TARS3: variants seen among roughly 807,000 people sequenced by gnomAD.
TARS3 encodes the protein threonine--tRNA ligase 2, cytoplasmic.
Under a neutral mutation model 103.5 loss-of-function variants are expected in TARS3, and 94 were observed. The ratio of observed to expected loss-of-function variants is 0.91; its 90% CI spans 0.77 to 1.08. TARS3 has a LOEUF of 1.08. TARS3 is among the 50% of genes least tolerant of loss of function. The pLI is 0.00. For synonymous variants in TARS3, 416 were observed against 355.4 expected (o/e 1.17, Z -1.92); for missense variants, 952 against 995.2 (o/e 0.96, Z 0.58).
At chr15:101,661,619 G>T in intron 16 of TARS3, 93 bp downstream of exon 16, 1 of 801,452 alleles carries the variant, frequency 1.2e-6, no homozygotes, top group Non-Finnish European at 1.9e-6. Context: ...GATTTTTTAA[G>T]AATAGAAATA....
At chr15:101,718,665 A>C (rs908145712) in intron 3 of TARS3, among the ~76,000 whole-genome samples, 1 of 152,170 alleles carries the variant, frequency 6.6e-6, no homozygotes, top group Non-Finnish European at 1.5e-5. Context: ...CCTCCCTCCC[A>C]CAAGCCTCTG....
intron 7 of TARS3, 112 bp downstream of exon 7, chr15:101,705,571 A>T: frequency 1.2e-6 from 1 of 800,866 alleles, no homozygotes; most frequent in South Asian, 1.6e-5. Context: ...ACGGTAGATT[A>T]TCAACTACAC....
At position 101,721,242 on chromosome 15, in the gene TARS3, G is replaced by A; in HGVS notation, c.450C>T (p.Ala150=). The A allele has an allele frequency of 6.2e-7, 1 of 1,613,854 alleles. No individual in the cohort carries two copies. Among genetic ancestry groups the A allele is most frequent in the Non-Finnish European group, 8.5e-7 (1 of 1,179,856 alleles). The part of the protein sequence containing the change: ...ILKKDHQLLL[A]IYGKKGDTSN... ...TTGTATCCCCCTTTTTTCCATAAAT[G>A]GCAAGTAAGAGCTGATGGTCTTTCT... The change falls in exon 3 of 19, where the codon GCC becomes GCT. Residue 150 remains alanine, a synonymous_variant. Coordinates refer to ENST00000335968, the MANE Select transcript of TARS3 (RefSeq NM_152334.3).
At chr15:101,670,550 AACT>A (rs1279168260) in intron 15 of TARS3, among the ~76,000 whole-genome samples, 1 of 152,370 alleles carries the variant, frequency 6.6e-6, no homozygotes, top group Admixed American at 6.5e-5. Flanking sequence ...GAACATCTGG[AACT>A]CTTTACACAT....
At chr15:101,721,507 T>A (rs576505841) in intron 2 of TARS3, among the ~76,000 whole-genome samples, 185 bp from the exon 3 acceptor site, 8 of 152,282 alleles carry the variant, frequency 5.3e-5, no homozygotes, top group African/African-American at 1.9e-4. Flanking sequence ...TTGTTGCTGT[T>A]GTTTTGAGAT....
At chr15:101,688,164 T>C (rs1006064254) in intron 10 of TARS3, among the ~76,000 whole-genome samples, 4 of 152,156 alleles carry the variant, frequency 2.6e-5, no homozygotes, top group Non-Finnish European at 2.9e-5. Flanking sequence ...TTGTTTTGTC[T>C]CTCACACACA....
chr15:101,715,754 A>G (rs140433033), intron 3 of TARS3, among the ~76,000 whole-genome samples: 223 of 152,286 alleles, frequency 1.5e-3, no homozygotes, highest in Middle Eastern at 3.4e-3. Flanking sequence ...ATCATAGAGT[A>G]TATCACACAG....
chr15:101,705,690 C>CGGTGGT lies in TARS3; in HGVS notation c.982_987dup (p.Thr328_Thr329dup), dbSNP rs1567349961. Reference sequence around the variant, plus strand: ...CCATGTGTGGACACAAACCTGTACACGGTGGTAGTTGCAGTGTTAACTTTC... The same window carrying CGGTGGT: ...CCATGTGTGGACACAAACCTGTACACGGTGGTGGTGGTAGTTGCAGTGTTAACTTTC... On this transcript the variant is annotated inframe_insertion, in exon 7 of 19. Coordinates refer to ENST00000335968, the MANE Select transcript of TARS3 (RefSeq NM_152334.3). 2.0e-5 allele frequency: 33 copies of CGGTGGT among 1,610,756 alleles called. No homozygotes were observed. The highest frequency in any genetic ancestry group is 2.8e-5 in the Non-Finnish European group (33 of 1,178,056).
chr15:101,715,043 G>GGT, intron 3 of TARS3, 80 bp from the exon 4 acceptor site: 1 of 1,098,142 alleles, frequency 9.1e-7, no homozygotes, highest in Non-Finnish European at 1.2e-6. Context: ...AATTTCTAGG[G>GGT]TTTTTTTTTT....
chr15:101,722,642 T>TAAAAA (rs35018220), intron 2 of TARS3, among the ~76,000 whole-genome samples: 5 of 58,752 alleles, frequency 8.5e-5, no homozygotes, highest in Admixed American at 2.5e-4. Flanking sequence ...CCATCTCTAC[T>TAAAAA]AAAAAAAAAA....
intron 3 of TARS3, among the ~76,000 whole-genome samples, chr15:101,720,533 C>T (rs1428579396): frequency 1.3e-5 from 2 of 151,930 alleles, no homozygotes; most frequent in Admixed American, 1.3e-4. Flanking sequence ...ATTTTTTTCT[C>T]TCCTATATAT....
Position 101,685,784 on chromosome 15 carries a change from A to G in TARS3, c.1487+112T>C, listed in dbSNP as rs938607830. The G allele has an allele frequency of 1.4e-5, 11 of 813,002 alleles. No homozygotes were observed. In the African/African-American group the frequency reaches 1.7e-4, roughly 13 times the overall value. 50.4% of individuals were successfully genotyped at this position (813,002 alleles called of 1,614,324 possible). On this transcript the variant is annotated intron_variant, in intron 11 of 18. Transcript: ENST00000335968. The stretch of plus-strand genomic sequence containing the variant: ...AACAACTTAGTAAAAATTAGTAATC[A>G]CCACTCTTCAGATTAAAGGGACTCT...
At position 101,696,210 on chromosome 15, in the gene TARS3, C is replaced by CAA. The variant is rs57512244; in HGVS notation, c.1320+4874_1320+4875dup. 3.7e-3 allele frequency among the ~76,000 whole-genome samples: 304 copies of CAA among 81,686 alleles called. 11 individuals carry two copies. Among genetic ancestry groups the CAA allele is most frequent in the African/African-American group, 9.9e-3 (227 of 22,946 alleles). 53.6% of individuals were successfully genotyped at this position (81,686 alleles called of 152,430 possible). A position where few individuals can be genotyped will look rare whatever the true frequency, so the allele number is the denominator to read the frequency against. ...TGGGCAACAGAGCGAGACTTTGTCT[C>CAA]AAAAAAAAAAAAAAAAAAAAAAAAA... On this transcript the variant is annotated intron_variant, in intron 10 of 18. Transcript: ENST00000335968.
At position 101,675,725 on chromosome 15, in the gene TARS3, T is replaced by C; in HGVS notation, c.1663A>G (p.Ile555Val). Residue 555 changes from isoleucine to valine, a missense_variant, in exon 13 of 19, where the codon ATA becomes GTA. Coordinates refer to ENST00000335968, the MANE Select transcript of TARS3 (RefSeq NM_152334.3). ...TGCAAAAACTGCAAACACCCCTTTA[T>C]TTCTTCTTCAATCTGAAATCAAAGC... ...FCTVEQIEEE[I>V]KGCLQFLQSV... The C allele has an allele frequency of 6.2e-7, 1 of 1,608,484 alleles. No homozygotes were observed. The highest frequency in any genetic ancestry group is 8.5e-7 in the Non-Finnish European group (1 of 1,178,616).
intron 10 of TARS3, among the ~76,000 whole-genome samples, chr15:101,690,856 A>G: frequency 6.6e-6 from 1 of 152,144 alleles, no homozygotes; most frequent in East Asian, 1.9e-4. Flanking sequence ...TTGTTACCAG[A>G]TTAGTAGCAA....
intron 10 of TARS3, among the ~76,000 whole-genome samples, chr15:101,688,670 G>C (rs1219107836): frequency 3.9e-5 from 6 of 152,092 alleles, no homozygotes; most frequent in Non-Finnish European, 5.9e-5. Flanking sequence ...GTTTTTATAA[G>C]AGCATAAATC....
intron 18 of TARS3, chr15:101,656,112 G>A: frequency 8.2e-7 from 1 of 1,215,684 alleles, no homozygotes; most frequent in East Asian, 5.7e-5. Context: ...TACTCCTGGT[G>A]AGGGTTGAGC....
chr15:101,722,703 C>T (rs944620857), intron 2 of TARS3, among the ~76,000 whole-genome samples: 2 of 149,190 alleles, frequency 1.3e-5, no homozygotes, highest in Non-Finnish European at 3.0e-5. Flanking sequence ...CCTGTAGTCC[C>T]AGCTACTCAG....
intron 15 of TARS3, among the ~76,000 whole-genome samples, chr15:101,663,697 C>T (rs1897469759): frequency 6.6e-6 from 1 of 152,088 alleles, no homozygotes; most frequent in South Asian, 2.1e-4. Flanking sequence ...TTATTAGTGC[C>T]CATTTCTCCA....
Sources: gnomAD v4.1 joint callset for allele counts (sites outside exome capture counted in the v4.1 genomes callset) on GRCh38, gnomAD v4.1.1 for gene constraint, MANE v1.5 for transcripts, NCBI Gene and HGNC (gene_info 2026-07-23, HGNC 2026-07-21) for gene names.